Variants in CFDP1 observed in about 807,000 individuals in gnomAD.
CFDP1 encodes heterochromatin-stabilizing protein CFDP1.
Under a neutral mutation model 40.1 loss-of-function variants are expected in CFDP1, and 31 were observed. The observed-to-expected ratio is 0.77, with a 90% CI of 0.58 to 1.04. CFDP1 has a LOEUF of 1.04. Ranked by LOEUF, CFDP1 falls within the 50% of genes least tolerant of loss-of-function variation. The pLI is 0.00. For synonymous variants in CFDP1, 167 were observed against 120.0 expected, an observed-to-expected ratio of 1.39 and a Z score of -2.56; for missense variants, 423 against 343.4, an observed-to-expected ratio of 1.23 and a Z score of -1.83.
intron 5 of CFDP1, among the ~76,000 whole-genome samples, chr16:75,368,256 G>C (rs2078729660): frequency 6.6e-6 from 1 of 152,178 alleles, no homozygotes; most frequent in Non-Finnish European, 1.5e-5. Context: ...ATTATTTTTA[G>C]ATGTAATAAT....
chr16:75,402,669 G>C (rs1336898528), intron 4 of CFDP1, among the ~76,000 whole-genome samples: 1 of 152,074 alleles, frequency 6.6e-6, no homozygotes, highest in Non-Finnish European at 1.5e-5. Flanking sequence ...TTGATACAGA[G>C]AGAAAAAGGA....
chr16:75,394,345 G>C (rs2078978456), intron 5 of CFDP1, among the ~76,000 whole-genome samples: 3 of 152,308 alleles, frequency 2.0e-5, no homozygotes, highest in African/African-American at 7.2e-5. Flanking sequence ...AAGAATTCTA[G>C]CCTTCAGCTA....
At position 75,392,533 on chromosome 16, in the gene CFDP1, T is replaced by A. The variant is rs1350992728; in HGVS notation, c.650+2557A>T. On this transcript the variant is annotated intron_variant, in intron 5 of 6. Coordinates refer to ENST00000283882, the MANE Select transcript of CFDP1 (RefSeq NM_006324.3). ...ATTCTTTTGAGACAAGGTCTCCCTCTGTCGCCCAGGCGGGAGTGCAGTGGT... is the reference window on the plus strand; with the variant it reads ...ATTCTTTTGAGACAAGGTCTCCCTCAGTCGCCCAGGCGGGAGTGCAGTGGT... 2.6e-5 allele frequency among the ~76,000 whole-genome samples: 4 copies of A among 152,302 alleles called. No homozygotes were observed. In the East Asian group the frequency reaches 7.7e-4, roughly 29 times the overall value.
intron 5 of CFDP1, among the ~76,000 whole-genome samples, chr16:75,370,524 T>C (rs1414397582): frequency 4.6e-5 from 7 of 152,208 alleles, no homozygotes; most frequent in African/African-American, 1.7e-4. Context: ...ACCTGCACGT[T>C]GTGCACATGT....
At chr16:75,333,767 AGTT>A (rs1471787247) in intron 5 of CFDP1, among the ~76,000 whole-genome samples, 1 of 152,228 alleles carries the variant, frequency 6.6e-6, no homozygotes, top group African/African-American at 2.4e-5. Context: ...CAAACCAGAA[AGTT>A]GTTACTGTTT....
At chr16:75,303,479 C>A (rs2078236855) in intron 6 of CFDP1, among the ~76,000 whole-genome samples, 1 of 147,796 alleles carries the variant, frequency 6.8e-6, no homozygotes, top group Non-Finnish European at 1.5e-5. Flanking sequence ...TTTAGATAAT[C>A]TTGAAGCCTA....
chr16:75,407,583 G>C (rs1035572833), intron 4 of CFDP1, among the ~76,000 whole-genome samples: 2 of 150,754 alleles, frequency 1.3e-5, no homozygotes, highest in African/African-American at 4.9e-5. Flanking sequence ...AGGAGGCTGA[G>C]GTCGGGGGAA....
At chr16:75,308,570 G>A (rs77244972) in intron 5 of CFDP1, among the ~76,000 whole-genome samples, 2,373 of 152,214 alleles carry the variant, frequency 0.016, 57 homozygotes, top group African/African-American at 0.053. Context: ...AGTCAACAAC[G>A]TCACCTGGAT....
At chr16:75,388,878 CT>C (rs2078922829) in intron 5 of CFDP1, among the ~76,000 whole-genome samples, 1 of 151,154 alleles carries the variant, frequency 6.6e-6, no homozygotes, top group South Asian at 2.1e-4. Context: ...CACTGCTACA[CT>C]GACATCACCT....
At chr16:75,303,049 A>T (rs536414739) in intron 6 of CFDP1, among the ~76,000 whole-genome samples, 1 of 152,094 alleles carries the variant, frequency 6.6e-6, no homozygotes, top group Non-Finnish European at 1.5e-5. Context: ...AAAATACAAA[A>T]ATTAGCTGGG....
intron 5 of CFDP1, among the ~76,000 whole-genome samples, chr16:75,390,561 T>C (rs1199472522): frequency 6.6e-6 from 1 of 152,242 alleles, no homozygotes; most frequent in African/African-American, 2.4e-5. Flanking sequence ...GAGCACTCTC[T>C]CTCTCCCCAG....
intron 5 of CFDP1, among the ~76,000 whole-genome samples, chr16:75,361,879 C>G (rs11865004): frequency 6.6e-6 from 1 of 151,792 alleles, no homozygotes; most frequent in African/African-American, 2.4e-5. Flanking sequence ...CAGAATTTTA[C>G]TATTATTTTT....
In CFDP1 at chr16:75,303,400, A is replaced by AATGAATGTATGT. The variant is rs55834001; in HGVS notation, c.809+1623_809+1624insACATACATTCAT. 7.1e-4 allele frequency among the ~76,000 whole-genome samples: 104 copies of AATGAATGTATGT among 146,240 alleles called. 2 individuals carry two copies. Among genetic ancestry groups the AATGAATGTATGT allele is most frequent in the Admixed American group, 2.8e-3 (41 of 14,644 alleles). ...AAATAAATAAATAAATAAATAAATA[A>AATGAATGTATGT]ATGTATGTATGTATGTATGTATGTA... On this transcript the variant is annotated intron_variant, in intron 6 of 6. Coordinates refer to ENST00000283882, the MANE Select transcript of CFDP1 (RefSeq NM_006324.3).
intron 2 of CFDP1, among the ~76,000 whole-genome samples, chr16:75,413,552 C>CAAA (rs9331624): frequency 1.1e-5 from 1 of 90,456 alleles, no homozygotes; most frequent in Non-Finnish European, 2.2e-5. Flanking sequence ...GACTCTGTCT[C>CAAA]AAAAAAAAAA....
chr16:75,411,797 G>C (rs202099646), intron 4 of CFDP1, 28 bp downstream of exon 4: 63 of 1,598,764 alleles, frequency 3.9e-5, no homozygotes, highest in Non-Finnish European at 5.3e-5. Flanking sequence ...GAAAATGCTA[G>C]TTTCAAAGTT....
At chr16:75,336,247 C>CT (rs1477036039) in intron 5 of CFDP1, among the ~76,000 whole-genome samples, 1 of 152,158 alleles carries the variant, frequency 6.6e-6, no homozygotes, top group Non-Finnish European at 1.5e-5. Flanking sequence ...GAGCCAAATG[C>CT]TTGTGGTGCA....
intron 1 of CFDP1, among the ~76,000 whole-genome samples, chr16:75,426,669 C>T (rs190976578): frequency 1.3e-5 from 2 of 152,018 alleles, no homozygotes; most frequent in Admixed American, 1.3e-4. Flanking sequence ...GAGCAAGACT[C>T]TGTTTCAAAA....
intron 5 of CFDP1, among the ~76,000 whole-genome samples, chr16:75,364,311 A>G (rs987073065): frequency 1.3e-5 from 2 of 152,180 alleles, no homozygotes; most frequent in African/African-American, 4.8e-5. Context: ...TCTTTTAGCT[A>G]CCAAATTCCC....
At chr16:75,323,177 A>T (rs940191504) in intron 5 of CFDP1, among the ~76,000 whole-genome samples, 3 of 151,890 alleles carry the variant, frequency 2.0e-5, no homozygotes, top group Non-Finnish European at 4.4e-5. Context: ...CTGTTTCTGT[A>T]AGGTTTTTTT....
Sources: gnomAD v4.1 joint callset for allele counts (sites outside exome capture counted in the v4.1 genomes callset) on GRCh38, gnomAD v4.1.1 for gene constraint, MANE v1.5 for transcripts, NCBI Gene and HGNC (gene_info 2026-07-23, HGNC 2026-07-21) for gene names.